CCNT2: variants seen among roughly 807,000 people sequenced by gnomAD.
The protein encoded by CCNT2 is cyclin-T2.
CCNT2 carries 18 observed loss-of-function variants against 70.0 expected under a neutral mutation model. The ratio of observed to expected loss-of-function variants is 0.26; its 90% CI spans 0.18 to 0.38. CCNT2 has a LOEUF of 0.38. Among genes scored for constraint, CCNT2 ranks in the 10% least tolerant of loss-of-function variants. The pLI is 1.00. For missense variants in CCNT2, 734 were observed against 890.2 expected, an observed-to-expected ratio of 0.82 and a Z score of 2.23; for synonymous variants, 334 against 313.3, an observed-to-expected ratio of 1.07 and a Z score of -0.70.
chr2:134,938,315 G>T (rs1681312172), intron 3 of CCNT2, among the ~76,000 whole-genome samples: 1 of 152,062 alleles, frequency 6.6e-6, no homozygotes, highest in South Asian at 2.1e-4. Context: ...ATGAATATAG[G>T]TATATTCATA....
At chr2:134,947,925 G>C in intron 7 of CCNT2, 26 bp downstream of exon 7, 1 of 1,360,172 alleles carries the variant, frequency 7.4e-7, no homozygotes, top group Non-Finnish European at 9.9e-7. Flanking sequence ...AAATTTTTAA[G>C]TTTGGAATTA....
At chr2:134,946,650 C>G (rs1461511030) in intron 6 of CCNT2, among the ~76,000 whole-genome samples, 2 of 150,444 alleles carry the variant, frequency 1.3e-5, no homozygotes, top group African/African-American at 4.9e-5. Context: ...CAAGTCCTAT[C>G]CATGCCTGGA....
intron 7 of CCNT2, among the ~76,000 whole-genome samples, chr2:134,949,808 G>GGGT (rs1553525627): frequency 1.5e-5 from 2 of 136,682 alleles, no homozygotes; most frequent in Non-Finnish European, 3.2e-5. Flanking sequence ...TTTTCGGGGG[G>GGGT]GGGGTGGGGG....
chr2:134,948,060 C>T (rs1343428091), intron 7 of CCNT2, among the ~76,000 whole-genome samples, 161 bp downstream of exon 7: 1 of 152,148 alleles, frequency 6.6e-6, no homozygotes, highest in African/African-American at 2.4e-5. Context: ...GTGCTCATAC[C>T]TGTAATCCCA....
At chr2:134,940,189 C>T (rs1192203390) in intron 4 of CCNT2, among the ~76,000 whole-genome samples, 1 of 152,066 alleles carries the variant, frequency 6.6e-6, no homozygotes, top group Non-Finnish European at 1.5e-5. Context: ...ACAGACTCTT[C>T]GTTACAAAAC....
intron 5 of CCNT2, chr2:134,945,221 G>C: frequency 1.0e-6 from 1 of 985,386 alleles, no homozygotes; most frequent in Non-Finnish European, 1.2e-6. Context: ...TAAAAAATAG[G>C]GGAGGGGGAA....
Position 134,958,842 on chromosome 2 carries a change from A to G in CCNT2, c.*4194A>G, listed in dbSNP as rs750900687. The G allele has an allele frequency of 7.2e-5, 11 of 152,182 alleles. No homozygotes were observed. The highest frequency in any genetic ancestry group is 1.3e-4 in the Non-Finnish European group (9 of 68,034). The allele number at this position is 152,182 out of a possible 1,614,324, so 9.4% of individuals were successfully genotyped here. On this transcript the variant is annotated 3_prime_UTR_variant, in exon 9 of 9. Coordinates refer to ENST00000264157, the MANE Select transcript of CCNT2 (RefSeq NM_058241.3). The stretch of plus-strand genomic sequence containing the variant: ...CCTTCTTTATAATTTACTGTTACCT[A>G]TTCTGCCTGACAGATTGATTAAGTA...
Position 134,954,656 on chromosome 2 carries a change from T to A in CCNT2, c.*8T>A, listed in dbSNP as rs776259001. ...CAAGGAATGAACATGTAATAATTTG[T>A]TTAGGTCAATTTTTCCTTTACTTTT... On this transcript the variant is annotated 3_prime_UTR_variant, in exon 9 of 9. Coordinates refer to ENST00000264157, the MANE Select transcript of CCNT2 (RefSeq NM_058241.3). 1 of 1,542,428 alleles carries A rather than the reference T, an allele frequency of 6.5e-7. No homozygotes were observed. The highest frequency in any genetic ancestry group is 8.9e-7 in the Non-Finnish European group (1 of 1,127,468).
rs750299081 is a variant in CCNT2, at chr2:134,947,819, A to G, written c.623A>G (p.Asn208Ser). The G allele has an allele frequency of 5.1e-6, 8 of 1,563,410 alleles. No individual in the cohort carries two copies. The highest frequency in any genetic ancestry group is 2.4e-5 in the South Asian group (2 of 84,394). ...VCIHLACKWS[N>S]WEIPVSTDGK... ...ATTCATTTGGCTTGCAAATGGTCCAATTGGGAGATCCCTGTATCAACTGAT... is the reference window on the plus strand; with the variant it reads ...ATTCATTTGGCTTGCAAATGGTCCAGTTGGGAGATCCCTGTATCAACTGAT... The change falls in exon 7 of 9, where the codon AAT becomes AGT. Residue 208 changes from asparagine (N) to serine (S), a missense_variant. This residue lies in a region of CCNT2 where 161 missense variants were observed against 303.8 expected (regional missense o/e 0.53). Coordinates refer to ENST00000264157, the MANE Select transcript of CCNT2 (RefSeq NM_058241.3).
rs748015791 is a variant in CCNT2 at position 134,953,640 on chromosome 2, C to G, written c.1185C>G (p.His395Gln). 1.2e-6 allele frequency: 2 copies of G among 1,614,180 alleles called. No homozygotes were observed. The highest frequency in any genetic ancestry group is 1.7e-6 in the Non-Finnish European group (2 of 1,180,020). The change falls in exon 9 of 9, where the codon CAC becomes CAG. Residue 395 changes from histidine (H) to glutamine (Q), a missense_variant. By Grantham distance (24) the His-to-Gln change is conservative. Coordinates refer to ENST00000264157, the MANE Select transcript of CCNT2 (RefSeq NM_058241.3). ...PSISLHSGLH[H>Q]RPDKISDHSS... ...TATCACTGCATTCAGGATTACATCA[C>G]AGACCTGACAAAATTTCAGATCATT...
At chr2:134,926,017 CACCACACA>C in intron 2 of CCNT2, among the ~76,000 whole-genome samples, 1 of 149,924 alleles carries the variant, frequency 6.7e-6, no homozygotes, top group East Asian at 2.0e-4. Flanking sequence ...AGGCACATGC[CACCACACA>C]GTTAATTTTT....
At position 134,953,808 on chromosome 2, in the gene CCNT2, T is replaced by C; in HGVS notation, c.1353T>C (p.Asp451=). ...EKRKLETLDL[D]VRDHYIAAQV... is the part of the protein sequence containing the mutation. ...GTAAACTAGAAACTCTTGATCTCGA[T>C]GTAAGGGATCATTATATAGCTGCCC... The change falls in exon 9 of 9, where the codon GAT becomes GAC. Residue 451 remains aspartate (D), a synonymous_variant. Coordinates refer to ENST00000264157, the MANE Select transcript of CCNT2 (RefSeq NM_058241.3). 1 of 1,613,622 alleles carries C rather than the reference T, an allele frequency of 6.2e-7. No homozygotes were observed. Among genetic ancestry groups the C allele is most frequent in the Non-Finnish European group, 8.5e-7 (1 of 1,179,548 alleles).
intron 1 of CCNT2, 27 bp downstream of exon 1, chr2:134,919,039 A>C (rs764005491): frequency 1.3e-6 from 2 of 1,575,928 alleles, no homozygotes. Flanking sequence ...GCCGCCGCTC[A>C]CGCCCTGTTT....
rs1055797801 is a variant in CCNT2, at chr2:134,958,972, G to T, written c.*4324G>T. The T allele has an allele frequency of 1.3e-5, 2 of 152,156 alleles. No homozygotes were observed. Among genetic ancestry groups the T allele is most frequent in the Non-Finnish European group, 2.9e-5 (2 of 68,026 alleles). 9.4% of individuals were successfully genotyped at this position (152,156 alleles called of 1,614,324 possible). A position where few individuals can be genotyped will look rare whatever the true frequency, so the allele number is the denominator to read the frequency against. Reference sequence around the variant, plus strand: ...CCATTTATCTCAAAGTTTGAGGGCTGTCTACTTTATTTTCAAGTTTGGGGC... The same window carrying T: ...CCATTTATCTCAAAGTTTGAGGGCTTTCTACTTTATTTTCAAGTTTGGGGC... On this transcript the variant is annotated 3_prime_UTR_variant, in exon 9 of 9. Transcript: ENST00000264157.
chr2:134,953,035 G>A (rs552422570), intron 8 of CCNT2, 195 bp from the exon 9 acceptor site: 3 of 498,150 alleles, frequency 6.0e-6, no homozygotes, highest in East Asian at 3.1e-5. Flanking sequence ...TCTAAAATGG[G>A]TGTTTTCAAT....
chr2:134,938,246 G>A (rs1681306397), intron 3 of CCNT2, among the ~76,000 whole-genome samples: 1 of 152,026 alleles, frequency 6.6e-6, no homozygotes, highest in South Asian at 2.1e-4. Flanking sequence ...TCAAAGTAGA[G>A]CATAAATAAA....
At chr2:134,921,852 G>A (rs761082327) in intron 2 of CCNT2, among the ~76,000 whole-genome samples, 13 of 152,076 alleles carry the variant, frequency 8.5e-5, no homozygotes, top group Non-Finnish European at 1.3e-4. Flanking sequence ...CTTCTTTAAT[G>A]TCTTATTGTG....
intron 7 of CCNT2, among the ~76,000 whole-genome samples, chr2:134,949,051 C>T (rs1194422147): frequency 6.6e-6 from 1 of 151,940 alleles, no homozygotes; most frequent in African/African-American, 2.4e-5. Flanking sequence ...GACAGATACT[C>T]ACTCTGCCCC....
At chr2:134,935,463 C>T (rs1681079114) in intron 2 of CCNT2, among the ~76,000 whole-genome samples, 1 of 152,174 alleles carries the variant, frequency 6.6e-6, no homozygotes. Flanking sequence ...CTGAAAGGAT[C>T]CACTGTCCCT....
Sources: gnomAD v4.1 joint callset for allele counts (sites outside exome capture counted in the v4.1 genomes callset) on GRCh38, gnomAD v4.1.1 for gene constraint, gnomAD v4.1.1 regional missense constraint, MANE v1.5 for transcripts, NCBI Gene and HGNC (gene_info 2026-07-23, HGNC 2026-07-21) for gene names.